ETHE1: variants seen among roughly 807,000 people sequenced by gnomAD.
The protein encoded by ETHE1 is ETHE1 persulfide dioxygenase.
Under a neutral mutation model 25.7 loss-of-function variants are expected in ETHE1, and 16 were observed. The observed-to-expected ratio is 0.62, with a 90% confidence interval of 0.42 to 0.95. The LOEUF is 0.95. ETHE1 is among the 40% of genes least tolerant of loss of function. The pLI, the probability that ETHE1 is intolerant of heterozygous loss-of-function variation, is 0.00. For missense variants in ETHE1, 300 were observed against 333.6 expected (o/e 0.90, Z 0.79); for synonymous variants, 139 against 135.9 (o/e 1.02, Z -0.16).
At position 43,527,114 on chromosome 19, in the gene ETHE1, G is replaced by A. The variant is rs778916161; in HGVS notation, c.64C>T (p.Pro22Ser). The A allele has an allele frequency of 6.4e-7, 1 of 1,557,728 alleles. No homozygotes were observed. The highest frequency in any genetic ancestry group is 1.2e-5 in the South Asian group (1 of 85,466). ...ACCCGCACCTGCCGCAGGAGGATGGGGGCTCCAGACCCGCCGCGCTGGCTC... is the reference window on the plus strand; with the variant it reads ...ACCCGCACCTGCCGCAGGAGGATGGAGGCTCCAGACCCGCCGCGCTGGCTC... ...QLSQRGGSGA[P>S]ILLRQMFEPV... The change falls in exon 1 of 7, where the codon CCC becomes TCC. Residue 22 changes from proline to serine, a missense_variant. By Grantham distance (74) the Pro-to-Ser change is moderately conservative. Coordinates refer to ENST00000292147, the MANE Select transcript of ETHE1 (RefSeq NM_014297.5).
intron 3 of ETHE1, among the ~76,000 whole-genome samples, chr19:43,520,985 A>G (rs779973515): frequency 2.0e-5 from 3 of 152,050 alleles, no homozygotes; most frequent in Admixed American, 6.6e-5. Flanking sequence ...TAACTTTCTG[A>G]TTCGGCCACC....
At chr19:43,508,513 G>A (rs953018353) in intron 5 of ETHE1, among the ~76,000 whole-genome samples, 2 of 151,996 alleles carry the variant, frequency 1.3e-5, no homozygotes, top group African/African-American at 4.8e-5. Flanking sequence ...CTAATTTCTT[G>A]TATTTTGTAG....
At chr19:43,507,003 T>A in intron 6 of ETHE1, 101 bp from the exon 7 acceptor site, 1 of 1,300,560 alleles carries the variant, frequency 7.7e-7, no homozygotes, top group Non-Finnish European at 1.1e-6. Context: ...TTCAGGAAAC[T>A]AGAGTTTTGG....
At chr19:43,508,965 C>T (rs1228079941) in intron 4 of ETHE1, 101 bp from the exon 5 acceptor site, 3 of 899,360 alleles carry the variant, frequency 3.3e-6, no homozygotes, top group East Asian at 5.3e-5. Flanking sequence ...TATAGCTAAA[C>T]CCTCTCCTTC....
intron 3 of ETHE1, among the ~76,000 whole-genome samples, chr19:43,515,933 G>A (rs753181478): frequency 5.4e-4 from 82 of 151,996 alleles, no homozygotes; most frequent in Admixed American, 1.5e-3. Context: ...TTAACGAATG[G>A]GTAACATACT....
In ETHE1 at chr19:43,526,837, T is replaced by C. The variant is rs943852253; in HGVS notation, c.82-178A>G. On this transcript the variant is annotated intron_variant, in intron 1 of 6. Transcript: ENST00000292147. ...ACCTTCCCCTATCAGAACAAAAGAG[T>C]TCCAACTTCCTAACATCCCAAAATC... The C allele has an allele frequency of 3.0e-5, 44 of 1,483,398 alleles. 1 individual carries two copies. The highest frequency in any genetic ancestry group is 4.8e-4 in the Middle Eastern group (2 of 4,130). The allele number at this position is 1,483,398 out of a possible 1,614,324, so 91.9% of individuals were successfully genotyped here. A position where few individuals can be genotyped will look rare whatever the true frequency, so the allele number is the denominator to read the frequency against.
intron 3 of ETHE1, among the ~76,000 whole-genome samples, chr19:43,521,304 G>A (rs1043348738): frequency 1.3e-5 from 2 of 152,124 alleles, no homozygotes; most frequent in African/African-American, 2.4e-5. Flanking sequence ...TAGCCTGGGT[G>A]ACAGAGTGAG....
At position 43,525,158 on chromosome 19, in the gene ETHE1, A is replaced by G. The variant is rs544313894; in HGVS notation, c.375+1043T>C. On this transcript the variant is annotated intron_variant, in intron 3 of 6. Coordinates refer to ENST00000292147, the MANE Select transcript of ETHE1 (RefSeq NM_014297.5). ...AAAAAGAAAGAAAGAAAGAAAGAAAAAAAAAAAACACTGAAGCTAAATCTA... is the reference window on the plus strand; with the variant it reads ...AAAAAGAAAGAAAGAAAGAAAGAAAGAAAAAAAACACTGAAGCTAAATCTA... Among the ~76,000 whole-genome samples, 519 of 152,066 alleles carry G rather than the reference A, an allele frequency of 3.4e-3. 5 individuals carry two copies. Among genetic ancestry groups the G allele is most frequent in the African/African-American group, 0.01 (434 of 41,474 alleles).
chr19:43,516,761 G>C (rs956292070), intron 3 of ETHE1, among the ~76,000 whole-genome samples: 1 of 151,730 alleles, frequency 6.6e-6, no homozygotes, highest in Non-Finnish European at 1.5e-5. Flanking sequence ...GAGTAGCTGG[G>C]ATAACAGGCA....
intron 3 of ETHE1, among the ~76,000 whole-genome samples, chr19:43,524,843 G>A (rs1004335242): frequency 2.6e-5 from 4 of 151,624 alleles, no homozygotes; most frequent in African/African-American, 9.7e-5. Context: ...AAAAGGGTGG[G>A]TGCAGTGGCT....
intron 3 of ETHE1, among the ~76,000 whole-genome samples, chr19:43,518,542 C>G (rs1308848177): frequency 6.6e-6 from 1 of 151,256 alleles, no homozygotes; most frequent in African/African-American, 2.4e-5. Context: ...GTCAGGAGAT[C>G]GAGACCATCC....
intron 3 of ETHE1, among the ~76,000 whole-genome samples, chr19:43,518,739 A>C: frequency 7.9e-6 from 1 of 126,212 alleles, no homozygotes; most frequent in African/African-American, 3.1e-5. Flanking sequence ...CGACAGAGCG[A>C]GACTCTTGTC....
At chr19:43,514,389 T>C (rs1971979686) in intron 3 of ETHE1, among the ~76,000 whole-genome samples, 1 of 152,052 alleles carries the variant, frequency 6.6e-6, no homozygotes, top group South Asian at 2.1e-4. Flanking sequence ...ACTCCTGTTT[T>C]GCCTTCCACC....
At chr19:43,519,074 A>G (rs1042200912) in intron 3 of ETHE1, among the ~76,000 whole-genome samples, 1 of 126,802 alleles carries the variant, frequency 7.9e-6, no homozygotes, top group East Asian at 2.7e-4. Context: ...CAGTGGTGCG[A>G]TCTCGTCTCA....
chr19:43,521,602 A>G (rs1972139978), intron 3 of ETHE1, among the ~76,000 whole-genome samples: 1 of 151,084 alleles, frequency 6.6e-6, no homozygotes, highest in Admixed American at 6.6e-5. Context: ...AGAGGGAGGC[A>G]GAGATTGCAG....
chr19:43,515,830 G>T (rs1753800092), intron 3 of ETHE1, among the ~76,000 whole-genome samples: 1 of 151,980 alleles, frequency 6.6e-6, no homozygotes, highest in African/African-American at 2.4e-5. Flanking sequence ...CCCGCCTCAG[G>T]CTCCCAAAGT....
chr19:43,518,999 GTT>G (rs71169253), intron 3 of ETHE1, among the ~76,000 whole-genome samples: 6 of 91,012 alleles, frequency 6.6e-5, no homozygotes, highest in Middle Eastern at 7.6e-3. Context: ...ATTTGTGCTT[GTT>G]TTTTTTTTTT....
intron 4 of ETHE1, among the ~76,000 whole-genome samples, chr19:43,510,506 T>C (rs1444159966): frequency 6.6e-6 from 1 of 151,956 alleles, no homozygotes; most frequent in Non-Finnish European, 1.5e-5. Context: ...AGCTAATTTT[T>C]GTATTTTTAG....
chr19:43,522,390 A>G (rs1475331138), intron 3 of ETHE1, among the ~76,000 whole-genome samples: 2 of 152,254 alleles, frequency 1.3e-5, no homozygotes, highest in African/African-American at 4.8e-5. Flanking sequence ...ACGCCAGTGC[A>G]TACCAGCTTG....
Sources: allele counts gnomAD v4.1 joint callset (sites outside exome capture counted in the v4.1 genomes callset), GRCh38; gene constraint gnomAD v4.1.1; transcripts MANE v1.5; gene names NCBI Gene and HGNC (gene_info 2026-07-23, HGNC 2026-07-21).